The following IL4R variants were observed in gnomAD, a reference collection of about 807,000 sequenced individuals.
IL4R encodes interleukin 4 receptor, also known as interleukin-4 receptor subunit alpha.
Under a neutral mutation model 41.5 loss-of-function variants are expected in IL4R, and 17 were observed. That is an observed-to-expected ratio of 0.41 (90% CI 0.28 to 0.61). The LOEUF (loss-of-function observed/expected upper bound fraction) is 0.61, where lower values mean the gene tolerates loss of function less well. Among genes scored for constraint, IL4R ranks in the 20% least tolerant of loss-of-function variants. The pLI is 0.31. For missense variants in IL4R, 974 were observed against 1,043.1 expected (o/e 0.93, Z 0.91); for synonymous variants, 402 against 422.9 (o/e 0.95, Z 0.61).
At chr16:27,319,214 A>G (rs1437489870) in intron 1 of IL4R, among the ~76,000 whole-genome samples, 1 of 152,248 alleles carries the variant, frequency 6.6e-6, no homozygotes, top group East Asian at 1.9e-4. Context: ...CAAACAAGAA[A>G]GAGGTCTAGG....
intron 8 of IL4R, among the ~76,000 whole-genome samples, 178 bp downstream of exon 8, chr16:27,356,085 T>A (rs1454027113): frequency 3.2e-4 from 3 of 9,508 alleles, no homozygotes; most frequent in Non-Finnish European, 1.2e-3. Flanking sequence ...CACTTTTTTC[T>A]TTTTTTTTTT....
At chr16:27,341,190 A>G (rs2085429501) in intron 3 of IL4R, 1 of 695,892 alleles carries the variant, frequency 1.4e-6, no homozygotes, top group South Asian at 1.5e-5. Context: ...TTGAGGACAG[A>G]TTGGAATTGA....
At chr16:27,337,417 G>A (rs1475788698) in intron 2 of IL4R, among the ~76,000 whole-genome samples, 1 of 152,146 alleles carries the variant, frequency 6.6e-6, no homozygotes, top group African/African-American at 2.4e-5. Flanking sequence ...GAGAAATGCT[G>A]TTAATGGCAA....
chr16:27,328,299 A>G (rs1318396648), intron 1 of IL4R, among the ~76,000 whole-genome samples: 2 of 149,204 alleles, frequency 1.3e-5, no homozygotes, highest in Admixed American at 1.3e-4. Flanking sequence ...GCTGGAGTGC[A>G]ATGGTGTGAT....
Position 27,363,246 on chromosome 16 carries a change from A to C in IL4R, c.1894A>C (p.Lys632Gln). The C allele has an allele frequency of 6.2e-7, 1 of 1,604,152 alleles. No homozygotes were observed. The highest frequency in any genetic ancestry group is 1.3e-5 in the African/African-American group (1 of 74,812). ...GGCTAGCAGTGGGGAAGAGGGGTATAAGCCTTTCCAAGACCTCATTCCTGG... is the reference window on the plus strand; with the variant it reads ...GGCTAGCAGTGGGGAAGAGGGGTATCAGCCTTTCCAAGACCTCATTCCTGG... Reference protein sequence around the residue: ...FGASSGEEGYKPFQDLIPGCP... With the variant: ...FGASSGEEGYQPFQDLIPGCP... Residue 632 changes from lysine (K) to glutamine (Q), a missense_variant, in exon 11 of 11, where the codon AAG becomes CAG. By Grantham distance (53) the Lys-to-Gln change is moderately conservative. Coordinates refer to ENST00000395762, the MANE Select transcript of IL4R (RefSeq NM_000418.4).
At chr16:27,314,943 G>C (rs2084595285) in intron 1 of IL4R, among the ~76,000 whole-genome samples, 1 of 152,102 alleles carries the variant, frequency 6.6e-6, no homozygotes, top group African/African-American at 2.4e-5. Flanking sequence ...CAAAATGCTG[G>C]GATGACAGGT....
chr16:27,344,273 C>G (rs1357706381), intron 4 of IL4R, among the ~76,000 whole-genome samples: 1 of 150,384 alleles, frequency 6.6e-6, no homozygotes, highest in Admixed American at 6.7e-5. Flanking sequence ...TCACTGTACT[C>G]TAGCCTGGGT....
At chr16:27,352,445 A>C in intron 6 of IL4R, 95 bp from the exon 7 acceptor site, 1 of 1,021,588 alleles carries the variant, frequency 9.8e-7, no homozygotes, top group South Asian at 1.5e-5. Context: ...GGTGGCTCTT[A>C]AACATGGTGG....
In IL4R at chr16:27,345,359, G is replaced by T. The variant is rs3024561; in HGVS notation, c.361+339G>T. On this transcript the variant is annotated intron_variant, in intron 5 of 10. Coordinates refer to ENST00000395762, the MANE Select transcript of IL4R (RefSeq NM_000418.4). The surrounding 1 kb of genome is among the most constrained non-coding windows in gnomAD (Gnocchi z 4.5). ...GAACTGGGAACATTCCTTCCATTCT[G>T]TGTCCACTGGTCAGCTGCTGCGGCT... The T allele has an allele frequency of 2.8e-4, 115 of 413,642 alleles. No homozygotes were observed. Among genetic ancestry groups the T allele is most frequent in the Non-Finnish European group, 4.9e-4 (104 of 210,160 alleles). The allele number at this position is 413,642 out of a possible 1,614,324, so 25.6% of individuals were successfully genotyped here. A position where few individuals can be genotyped will look rare whatever the true frequency, so the allele number is the denominator to read the frequency against.
intron 2 of IL4R, among the ~76,000 whole-genome samples, chr16:27,338,756 G>A (rs965990983): frequency 6.6e-6 from 1 of 152,084 alleles, no homozygotes; most frequent in Admixed American, 6.6e-5. Flanking sequence ...GCATGGCATC[G>A]TCCGTGAGGA....
chr16:27,353,347 T>C (rs2085945772), intron 7 of IL4R, among the ~76,000 whole-genome samples: 1 of 152,054 alleles, frequency 6.6e-6, no homozygotes, highest in Non-Finnish European at 1.5e-5. Context: ...TACAATGAAA[T>C]AAAATAAAAT....
chr16:27,315,849 G>A (rs148498516), intron 1 of IL4R, among the ~76,000 whole-genome samples: 87 of 152,324 alleles, frequency 5.7e-4, no homozygotes, highest in Admixed American at 2.7e-3. Context: ...GGAGGGAGAC[G>A]CTGGGGAGGC....
intron 1 of IL4R, among the ~76,000 whole-genome samples, chr16:27,320,316 A>G (rs1184439890): frequency 6.6e-6 from 1 of 152,242 alleles, no homozygotes; most frequent in African/African-American, 2.4e-5. Flanking sequence ...ATTTCATTAT[A>G]TGTTACCATA....
At chr16:27,340,700 T>C (rs1468318789) in intron 3 of IL4R, among the ~76,000 whole-genome samples, 1 of 151,562 alleles carries the variant, frequency 6.6e-6, no homozygotes, top group African/African-American at 2.4e-5. Context: ...CCAGCCTGCG[T>C]GAGAAAGTGA....
At chr16:27,327,103 G>C (rs890163987) in intron 1 of IL4R, among the ~76,000 whole-genome samples, 1 of 152,146 alleles carries the variant, frequency 6.6e-6, no homozygotes, top group African/African-American at 2.4e-5. Flanking sequence ...GCCAGTTTCT[G>C]TCGTGGAGTT....
chr16:27,319,454 A>G (rs1302016687), intron 1 of IL4R, among the ~76,000 whole-genome samples: 1 of 152,200 alleles, frequency 6.6e-6, no homozygotes, highest in African/African-American at 2.4e-5. Flanking sequence ...TTTAAACACA[A>G]TAAAATCTAT....
chr16:27,348,758 C>T (rs1055347110), intron 6 of IL4R, among the ~76,000 whole-genome samples: 1 of 152,220 alleles, frequency 6.6e-6, no homozygotes, highest in Non-Finnish European at 1.5e-5. Flanking sequence ...GGAGGAGTCA[C>T]ATACCTGCCT....
chr16:27,332,878 T>G (rs35630199), intron 2 of IL4R, among the ~76,000 whole-genome samples: 28,503 of 151,872 alleles, frequency 0.19, 3,272 homozygotes, highest in African/African-American at 0.31. Context: ...CATTTTTATT[T>G]AGTTAAAAAT....
chr16:27,329,323 T>C (rs1044258856), intron 1 of IL4R, among the ~76,000 whole-genome samples: 2 of 152,102 alleles, frequency 1.3e-5, no homozygotes, highest in Non-Finnish European at 2.9e-5. Context: ...TCTCAGATAT[T>C]TCTTTATAGC....
Sources: gnomAD v4.1 joint callset for allele counts (sites outside exome capture counted in the v4.1 genomes callset) on GRCh38, gnomAD v4.1.1 for gene constraint, Gnocchi (gnomAD v3.1) non-coding constraint, MANE v1.5 for transcripts, NCBI Gene and HGNC (gene_info 2026-07-23, HGNC 2026-07-21) for gene names.